TCOF1: variants seen among roughly 807,000 people sequenced by gnomAD.
TCOF1 encodes the protein treacle protein.
TCOF1 carries 33 observed loss-of-function variants against 149.0 expected under a neutral mutation model. That is an observed-to-expected ratio of 0.22 (90% CI 0.17 to 0.30). The LOEUF (loss-of-function observed/expected upper bound fraction) is 0.30. Ranked by LOEUF, TCOF1 falls within the 10% of genes least tolerant of loss-of-function variation. The pLI, the probability that TCOF1 is intolerant of heterozygous loss-of-function variation, is 1.00. For synonymous variants in TCOF1, 789 were observed against 738.8 expected (o/e 1.07, Z -1.10); for missense variants, 1,728 against 1,840.7 (o/e 0.94, Z 1.12).
chr5:150,368,026 G>A, intron 4 of TCOF1, 109 bp downstream of exon 4: 1 of 1,207,120 alleles, frequency 8.3e-7, no homozygotes, highest in Non-Finnish European at 1.2e-6. Flanking sequence ...GCCCCACCTG[G>A]ATTCAGAGCT....
intron 17 of TCOF1, among the ~76,000 whole-genome samples, chr5:150,386,167 C>T (rs1766250108): frequency 6.6e-6 from 1 of 152,202 alleles, no homozygotes; most frequent in Admixed American, 6.5e-5. Context: ...GCCCCCTGCA[C>T]CACCTCCCTC....
Position 150,396,836 on chromosome 5 carries a change from G to T in TCOF1, c.4339G>T (p.Asp1447Tyr). ...PKSKKEKKKS[D>Y]KRKKDKEKKE... Reference sequence around the variant, plus strand: ...GAGCAAGAAGGAGAAGAAGAAATCCGACAAGAGTGAGTGACCGCTTCTCCC... The same window carrying T: ...GAGCAAGAAGGAGAAGAAGAAATCCTACAAGAGTGAGTGACCGCTTCTCCC... The change falls in exon 24 of 27, where the codon GAC becomes TAC. Residue 1447 changes from aspartate to tyrosine, a missense_variant. By Grantham distance (160) the Asp-to-Tyr change is radical. Around this residue, in one of 2 missense-constraint regions of TCOF1, gnomAD observed 1,696 missense variants for 1,765.4 expected, o/e 0.96. Transcript: ENST00000643257. The T allele has an allele frequency of 1.9e-6, 3 of 1,596,934 alleles. No individual in the cohort carries two copies. Among genetic ancestry groups the T allele is most frequent in the South Asian group, 1.1e-5 (1 of 88,630 alleles).
chr5:150,398,921 T>C (rs182032507), intron 25 of TCOF1, 101 bp from the exon 26 acceptor site: 42 of 1,548,818 alleles, frequency 2.7e-5, no homozygotes, highest in Admixed American at 6.8e-5. Context: ...GCAGACCCAG[T>C]ATCTATTCTA....
At chr5:150,359,853 GA>G (rs1279161233) in intron 1 of TCOF1, among the ~76,000 whole-genome samples, 1 of 152,204 alleles carries the variant, frequency 6.6e-6, no homozygotes, top group African/African-American at 2.4e-5. Context: ...AGGCAAGGGG[GA>G]TAAGGGATGT....
At position 150,396,282 on chromosome 5, in the gene TCOF1, G is replaced by A. The variant is rs375337164; in HGVS notation, c.3785G>A (p.Gly1262Asp). Residue 1262 changes from glycine to aspartate, a missense_variant and splice_region_variant, in exon 24 of 27, where the codon GGT (glycine) becomes GAT (aspartate). Gly to Asp is a moderately conservative substitution (Grantham distance 94). Coordinates refer to ENST00000643257, the MANE Select transcript of TCOF1 (RefSeq NM_001371623.1). ...GTGACCCCACATTCTCTCTCCATAG[G>A]TGGAAAAGAGGCTGCTTCAGGCACC... ...QAAGMLSPKT[G>D]GKEAASGTTP... is the part of the protein sequence containing the mutation. The A allele has an allele frequency of 6.2e-7, 1 of 1,614,052 alleles. No individual in the cohort carries two copies. The highest frequency in any genetic ancestry group is 1.7e-5 in the Admixed American group (1 of 60,028).
chr5:150,383,124 C>T (rs1360701299), intron 17 of TCOF1: 2 of 1,536,084 alleles, frequency 1.3e-6, no homozygotes, highest in Admixed American at 2.0e-5. Context: ...CAGAGAGGAA[C>T]ACGGAGGGGT....
At chr5:150,364,849 ATCT>A (rs1250682678) in intron 3 of TCOF1, 1 of 153,440 alleles carries the variant, frequency 6.5e-6, no homozygotes, top group Non-Finnish European at 1.5e-5. Context: ...GCATCGTATT[ATCT>A]TCTTTTGCTT....
chr5:150,362,646 A>T (rs1760397322), intron 2 of TCOF1, among the ~76,000 whole-genome samples: 1 of 152,200 alleles, frequency 6.6e-6, no homozygotes, highest in African/African-American at 2.4e-5. Flanking sequence ...AAAGGCAAAA[A>T]TGGTGTGGAA....
rs756584594 is a variant in TCOF1, at chr5:150,374,657, C to T, written c.1124C>T (p.Ser375Leu). ...AAAACCTCTCAGGTCGGAGCTGCCT[C>T]AGCCCCTGCCAAGGAGTCCCCCAGG... ...SGKTSQVGAA[S>L]APAKESPRKG... The change falls in exon 9 of 27, where the codon TCA (serine) becomes TTA (leucine). Residue 375 changes from serine (S) to leucine (L), a missense_variant. Around this residue, in one of 2 missense-constraint regions of TCOF1, gnomAD observed 1,696 missense variants for 1,765.4 expected, o/e 0.96. Coordinates refer to ENST00000643257, the MANE Select transcript of TCOF1 (RefSeq NM_001371623.1). 122 of 1,613,874 alleles carry T rather than the reference C, an allele frequency of 7.6e-5. No homozygotes were observed. Among genetic ancestry groups the T allele is most frequent in the Admixed American group, 1.3e-4 (8 of 59,994 alleles).
At chr5:150,367,492 G>A (rs112284222) in intron 3 of TCOF1, 52 of 345,012 alleles carry the variant, frequency 1.5e-4, no homozygotes, top group African/African-American at 1.1e-3. Context: ...ACAGTGTGGT[G>A]GCCTGTGTGA....
rs200133069 is a variant in TCOF1, at chr5:150,380,371, A to G, written c.2859+639A>G. 2.5e-5 allele frequency: 4 copies of G among 159,224 alleles called. No individual in the cohort carries two copies. In the East Asian group the frequency reaches 5.5e-4, roughly 22 times the overall value. The allele number at this position is 159,224 out of a possible 1,614,324, so 9.9% of individuals were successfully genotyped here. A position where few individuals can be genotyped will look rare whatever the true frequency, so the allele number is the denominator to read the frequency against. ...AGAATCTACATGTTAGTTATTGTGC[A>G]TACGTTAACGTTATACAAAATGACT... On this transcript the variant is annotated intron_variant, in intron 17 of 26. Coordinates refer to ENST00000643257, the MANE Select transcript of TCOF1 (RefSeq NM_001371623.1).
intron 1 of TCOF1, 42 bp from the exon 2 acceptor site, chr5:150,361,114 G>C: frequency 6.2e-7 from 1 of 1,613,396 alleles, no homozygotes; most frequent in Non-Finnish European, 8.5e-7. Context: ...GATCCTTACT[G>C]TGCTGGGGAT....
chr5:150,381,829 G>A (rs1765270516), intron 17 of TCOF1, among the ~76,000 whole-genome samples: 1 of 152,226 alleles, frequency 6.6e-6, no homozygotes, highest in Non-Finnish European at 1.5e-5. Flanking sequence ...CTGAGCGTCA[G>A]TGGTAACCAG....
intron 24 of TCOF1, among the ~76,000 whole-genome samples, chr5:150,397,149 C>G (rs1275200420): frequency 2.8e-5 from 1 of 35,786 alleles, no homozygotes; most frequent in African/African-American, 1.0e-4. Flanking sequence ...CAGAGCAAGA[C>G]TGTCAAAAAA....
intron 26 of TCOF1, 90 bp downstream of exon 26, chr5:150,399,160 G>T: frequency 1.3e-6 from 2 of 1,574,424 alleles, no homozygotes; most frequent in Non-Finnish European, 1.7e-6. Flanking sequence ...GACCTGATAG[G>T]TGGGCTCTAA....
Position 150,388,068 on chromosome 5 carries a change from C to A in TCOF1, c.3026C>A (p.Ala1009Asp). 1 of 1,613,508 alleles carries A rather than the reference C, an allele frequency of 6.2e-7. No individual in the cohort carries two copies. The highest frequency in any genetic ancestry group is 1.1e-5 in the South Asian group (1 of 91,046). Residue 1009 changes from alanine to aspartate, a missense_variant, in exon 18 of 27, where the codon GCT (alanine) becomes GAT (aspartate). By Grantham distance (126) the Ala-to-Asp change is moderately radical. This residue lies in a region of TCOF1 where 1,696 missense variants were observed against 1,765.4 expected (regional missense o/e 0.96). Transcript: ENST00000643257. ...AGCGAGGATGAGGACGTGATCCCCGCTACACAGTGCTTGACTCCTGGTGAG... is the reference window on the plus strand; with the variant it reads ...AGCGAGGATGAGGACGTGATCCCCGATACACAGTGCTTGACTCCTGGTGAG... ...SESEDEDVIP[A>D]TQCLTPGIRT...
At chr5:150,367,708 G>A (rs1273765240) in intron 3 of TCOF1, 136 bp from the exon 4 acceptor site, 3 of 961,256 alleles carry the variant, frequency 3.1e-6, no homozygotes, top group East Asian at 2.6e-5. Flanking sequence ...CTGCAAGTCT[G>A]GGCTCAGCCT....
In TCOF1 at chr5:150,383,718, T is replaced by G. The variant is rs746815937; in HGVS notation, c.2859+3986T>G. 1.9e-6 allele frequency: 3 copies of G among 1,551,520 alleles called. No individual in the cohort carries two copies. In the African/African-American group the frequency reaches 4.1e-5, roughly 21 times the overall value. On this transcript the variant is annotated intron_variant, in intron 17 of 26. Coordinates refer to ENST00000643257, the MANE Select transcript of TCOF1 (RefSeq NM_001371623.1). The stretch of plus-strand genomic sequence containing the variant: ...AACGCTGGTCCCCTGGCTCCCTGTA[T>G]CTCTCTGTTTTCTGTTTAGGACCAG...
At position 150,391,227 on chromosome 5, in the gene TCOF1, A is replaced by G. The variant is rs576337143; in HGVS notation, c.3184-317A>G. ...GGGGTCATGCCCAATTTCCATGCCCACCACTCTCCCTGACTGCTAGTGGTT... is the reference window on the plus strand; with the variant it reads ...GGGGTCATGCCCAATTTCCATGCCCGCCACTCTCCCTGACTGCTAGTGGTT... On this transcript the variant is annotated intron_variant, in intron 19 of 26. Coordinates refer to ENST00000643257, the MANE Select transcript of TCOF1 (RefSeq NM_001371623.1). 2.6e-5 allele frequency among the ~76,000 whole-genome samples: 4 copies of G among 152,264 alleles called. No homozygotes were observed. The East Asian group carries it at 7.7e-4, about 29-fold the overall frequency.
Sources: allele counts gnomAD v4.1 joint callset (sites outside exome capture counted in the v4.1 genomes callset), GRCh38; gene constraint gnomAD v4.1.1; regional missense constraint gnomAD v4.1.1; transcripts MANE v1.5; gene names NCBI Gene and HGNC (gene_info 2026-07-23, HGNC 2026-07-21).